The following PHF24 variants were observed in gnomAD, a reference collection of about 807,000 sequenced individuals.
PHF24 encodes the protein PHD finger protein 24.
Under a neutral mutation model 42.6 loss-of-function variants are expected in PHF24, and 25 were observed. That is an observed-to-expected ratio of 0.59 (90% confidence interval 0.43 to 0.82). The LOEUF is 0.82. PHF24 is among the 40% of genes least tolerant of loss of function. The pLI is 0.00. For synonymous variants in PHF24, 185 were observed against 204.8 expected (o/e 0.90, Z 0.83); for missense variants, 470 against 538.1 (o/e 0.87, Z 1.25).
upstream of PHF24, among the ~76,000 whole-genome samples, chr9:34,958,077 C>T (rs1826432216): frequency 1.3e-5 from 2 of 149,762 alleles, no homozygotes; most frequent in Non-Finnish European, 3.0e-5. This position sits in a 1 kb window ranked among gnomAD's most constrained non-coding sequence, Gnocchi z 4.5. Context: ...CGTCGCCGGT[C>T]ACCCGCCGCC....
the PHF24 span, among the ~76,000 whole-genome samples, chr9:34,906,420 T>G: frequency 4.6e-5 from 7 of 152,142 alleles, no homozygotes; most frequent in African/African-American, 1.7e-4. Flanking sequence ...TACAAGTGGT[T>G]AAAGGTGTAA....
the PHF24 span, among the ~76,000 whole-genome samples, chr9:34,748,352 G>A: frequency 7.0e-4 from 107 of 152,272 alleles, 1 homozygote; most frequent in Non-Finnish European, 1.3e-3. Context: ...CCTGGTGGGA[G>A]GTGATTGGAT....
the PHF24 span, among the ~76,000 whole-genome samples, chr9:34,774,877 C>T: frequency 1.9e-4 from 29 of 152,122 alleles, no homozygotes; most frequent in African/African-American, 5.8e-4. Flanking sequence ...TACTTCACAC[C>T]CACTAGGATG....
the PHF24 span, among the ~76,000 whole-genome samples, chr9:34,846,683 G>A: frequency 6.6e-6 from 1 of 152,202 alleles, no homozygotes; most frequent in Non-Finnish European, 1.5e-5. Flanking sequence ...CCATGCCTAT[G>A]TCCTGAATGG....
the PHF24 span, among the ~76,000 whole-genome samples, chr9:34,785,817 G>A: frequency 6.6e-6 from 1 of 151,964 alleles, no homozygotes; most frequent in Non-Finnish European, 1.5e-5. Flanking sequence ...CTTTTATCAT[G>A]TTTCTTTCTA....
intron 7 of PHF24, 117 bp downstream of exon 7, chr9:34,977,758 C>G (rs1038044192): frequency 4.2e-6 from 4 of 942,462 alleles, no homozygotes; most frequent in Non-Finnish European, 6.5e-6. Context: ...CCCAAGAAAC[C>G]AGGCTCCAAG....
the PHF24 span, among the ~76,000 whole-genome samples, chr9:34,774,783 C>CA: frequency 2.7e-5 from 4 of 150,886 alleles, no homozygotes; most frequent in Non-Finnish European, 5.9e-5. Context: ...CACACATACA[C>CA]AAAAAAAAGC....
At chr9:34,895,639 A>G in the PHF24 span, 1 of 401,130 alleles carries the variant, frequency 2.5e-6, no homozygotes, top group Non-Finnish European at 4.4e-6. Context: ...TCACTTGCCA[A>G]ATAATTAATG....
At chr9:34,850,998 G>A in the PHF24 span, among the ~76,000 whole-genome samples, 1 of 152,178 alleles carries the variant, frequency 6.6e-6, no homozygotes, top group South Asian at 2.1e-4. Flanking sequence ...TGAGGTGTCA[G>A]TCTGCCCCTA....
At chr9:34,711,828 C>T in the PHF24 span, among the ~76,000 whole-genome samples, 2 of 152,216 alleles carry the variant, frequency 1.3e-5, no homozygotes, top group African/African-American at 4.8e-5. Flanking sequence ...CAGACATGAG[C>T]CACTGCGCCC....
At chr9:34,782,781 T>C in the PHF24 span, among the ~76,000 whole-genome samples, 21 of 152,242 alleles carry the variant, frequency 1.4e-4, no homozygotes, top group African/African-American at 3.1e-4. Context: ...TACTGTTTGA[T>C]TGGGAGAGGC....
At chr9:34,937,734 G>A in the PHF24 span, among the ~76,000 whole-genome samples, 20 of 152,068 alleles carry the variant, frequency 1.3e-4, no homozygotes, top group African/African-American at 4.1e-4. Context: ...ACCTACTGGA[G>A]GCCAACCAAG....
chr9:34,725,872 C>A, the PHF24 span: 2 of 1,552,112 alleles, frequency 1.3e-6, no homozygotes, highest in East Asian at 4.9e-5. Context: ...CATTTTCAAT[C>A]TTGGGGAGGC....
the PHF24 span, among the ~76,000 whole-genome samples, chr9:34,900,570 G>T: frequency 6.6e-6 from 1 of 152,204 alleles, no homozygotes; most frequent in African/African-American, 2.4e-5. Flanking sequence ...CTGCACTCCA[G>T]CCTAGGTGAC....
At chr9:34,684,011 C>T in the PHF24 span, among the ~76,000 whole-genome samples, 1 of 152,228 alleles carries the variant, frequency 6.6e-6, no homozygotes, top group Non-Finnish European at 1.5e-5. Context: ...GTGGTTCTGG[C>T]TGCCTAGGCT....
chr9:34,706,648 A>T, the PHF24 span, among the ~76,000 whole-genome samples: 1 of 152,236 alleles, frequency 6.6e-6, no homozygotes. Flanking sequence ...TACTCAGAGC[A>T]GGGCTTGAGG....
chr9:34,918,399 C>G, the PHF24 span: 1 of 538,252 alleles, frequency 1.9e-6, no homozygotes, highest in Non-Finnish European at 3.3e-6. Flanking sequence ...GGGTGAATAC[C>G]AAGGTCTTTA....
chr9:34,898,496 A>C, the PHF24 span, among the ~76,000 whole-genome samples: 1 of 152,222 alleles, frequency 6.6e-6, no homozygotes. Flanking sequence ...GAAGAGTCCT[A>C]CCTGAAAATG....
At chr9:34,880,064 G>A in the PHF24 span, among the ~76,000 whole-genome samples, 8 of 152,158 alleles carry the variant, frequency 5.3e-5, no homozygotes, top group Non-Finnish European at 4.4e-5. Flanking sequence ...TTAAAGAAAA[G>A]AATTTTCAAC....
Sources: gnomAD v4.1 joint callset for allele counts (sites outside exome capture counted in the v4.1 genomes callset) on GRCh38, gnomAD v4.1.1 for gene constraint, Gnocchi (gnomAD v3.1) non-coding constraint, MANE v1.5 for transcripts, NCBI Gene and HGNC (gene_info 2026-07-23, HGNC 2026-07-21) for gene names.